ERCC6L2: variants seen among roughly 807,000 people sequenced by gnomAD.
The protein encoded by ERCC6L2 is ERCC excision repair 6 like 2.
Under a neutral mutation model 132.0 loss-of-function variants are expected in ERCC6L2, and 77 were observed. That is an observed-to-expected ratio of 0.58 (90% CI 0.49 to 0.71). ERCC6L2 has a LOEUF of 0.71. ERCC6L2 is among the 30% of genes least tolerant of loss of function. The probability of loss-of-function intolerance (pLI) is 0.00; values close to 1 mark genes in which losing one functional copy is unlikely to be tolerated. For missense variants in ERCC6L2, 1,542 were observed against 1,837.6 expected (o/e 0.84, Z 2.94); for synonymous variants, 583 against 632.4 (o/e 0.92, Z 1.17).
chr9:96,021,739 G>C (rs948122772), downstream of ERCC6L2: 10 of 151,704 alleles, frequency 6.6e-5, no homozygotes, highest in Admixed American at 6.5e-4. The surrounding 1 kb of genome is among the most constrained non-coding windows in gnomAD (Gnocchi z 4.7). Flanking sequence ...TCCCGCGCGC[G>C]TCGCGCCGAG....
At chr9:95,888,598 CT>C (rs1827998495) in intron 2 of ERCC6L2, among the ~76,000 whole-genome samples, 1 of 152,166 alleles carries the variant, frequency 6.6e-6, no homozygotes, top group African/African-American at 2.4e-5. Context: ...TAGACCTCTA[CT>C]GGACCACCAT....
rs2132607207 is a variant in ERCC6L2 at position 95,897,900 on chromosome 9, A to G, written c.523A>G (p.Ile175Val). The change falls in exon 3 of 19, where the codon ATT becomes GTT. Residue 175 changes from isoleucine (I) to valine (V), a missense_variant. This residue lies in a region of ERCC6L2 where 945 missense variants were observed against 1,105.2 expected (regional missense o/e 0.86). Coordinates refer to ENST00000653738, the MANE Select transcript of ERCC6L2 (RefSeq NM_020207.7). ...VLHKKGTREDIENNMPEFLLR... is the reference protein window; with the variant it reads ...VLHKKGTREDVENNMPEFLLR... Reference sequence around the variant, plus strand: ...GCATAAAAAGGGAACTCGTGAGGATATTGAAAATAACATGCCAGAGTTTTT... The same window carrying G: ...GCATAAAAAGGGAACTCGTGAGGATGTTGAAAATAACATGCCAGAGTTTTT... 1 of 1,612,442 alleles carries G rather than the reference A, an allele frequency of 6.2e-7. No individual in the cohort carries two copies.
At chr9:95,883,545 A>G (rs988437998) in intron 2 of ERCC6L2, among the ~76,000 whole-genome samples, 5 of 152,218 alleles carry the variant, frequency 3.3e-5, no homozygotes, top group Admixed American at 2.0e-4. Flanking sequence ...TTCTTTGATT[A>G]GCCAGTGCAT....
downstream of ERCC6L2, among the ~76,000 whole-genome samples, chr9:96,023,249 T>A (rs1413241910): frequency 6.6e-6 from 1 of 152,202 alleles, no homozygotes; most frequent in East Asian, 1.9e-4. Flanking sequence ...GGATTTATGA[T>A]TAGCATAGGC....
chr9:95,972,983 CATA>C lies in ERCC6L2; in HGVS notation c.3237_3239del (p.Asn1079del), dbSNP rs761064844. The C allele has an allele frequency of 2.2e-6, 3 of 1,345,000 alleles. No homozygotes were observed. Among genetic ancestry groups the C allele is most frequent in the Non-Finnish European group, 3.0e-6 (3 of 1,010,230 alleles). The allele number at this position is 1,345,000 out of a possible 1,614,324, so 83.3% of individuals were successfully genotyped here. A position where few individuals can be genotyped will look rare whatever the true frequency, so the allele number is the denominator to read the frequency against. On this transcript the variant is annotated inframe_deletion, in exon 16 of 19. Transcript: ENST00000653738. ...TAGTTTTTCTTCAAAATTGCCTAGCCATAATAAGAAAAATAGCACTTTTATTCC... is the reference window on the plus strand; with the variant it reads ...TAGTTTTTCTTCAAAATTGCCTAGCCATAAGAAAAATAGCACTTTTATTCC...
chr9:96,007,295 G>A (rs1471658975), intron 18 of ERCC6L2, among the ~76,000 whole-genome samples: 2 of 152,226 alleles, frequency 1.3e-5, no homozygotes, highest in East Asian at 3.9e-4. Flanking sequence ...CTTGGGAGTA[G>A]GGGCTAACAT....
At chr9:96,010,521 C>T (rs1833992573) in intron 18 of ERCC6L2, among the ~76,000 whole-genome samples, 1 of 152,142 alleles carries the variant, frequency 6.6e-6, no homozygotes. Flanking sequence ...TTAGCCTCTT[C>T]CTTGCAGTTT....
chr9:95,886,702 A>G (rs1037635150), intron 2 of ERCC6L2, among the ~76,000 whole-genome samples: 2 of 152,224 alleles, frequency 1.3e-5, no homozygotes, highest in African/African-American at 4.8e-5. Flanking sequence ...TGTGATGGTT[A>G]CTAGTGAGTG....
intron 19 of ERCC6L2, among the ~76,000 whole-genome samples, chr9:96,029,410 G>A (rs1340873096): frequency 6.6e-6 from 1 of 151,860 alleles, no homozygotes; most frequent in Non-Finnish European, 1.5e-5. Context: ...AATACAAGAA[G>A]GCTTCCAGCT....
rs1163536081 is a variant in ERCC6L2 at position 96,017,972 on chromosome 9, GAAAT to G, written c.*4774_*4777del. On this transcript the variant is annotated 3_prime_UTR_variant, in exon 19 of 19. Transcript: ENST00000653738. The stretch of plus-strand genomic sequence containing the variant: ...GAATCTTGAGGACGGTATGCAAAGT[GAAAT>G]AAATCAGACACAGAAGGACAAATAC... Among the ~76,000 whole-genome samples, 4 of 152,178 alleles carry G rather than the reference GAAAT, an allele frequency of 2.6e-5. No individual in the cohort carries two copies. The highest frequency in any genetic ancestry group is 1.3e-4 in the Admixed American group (2 of 15,292).
intron 17 of ERCC6L2, 82 bp downstream of exon 17, chr9:95,978,297 C>G (rs1056109328): frequency 1.1e-6 from 1 of 897,118 alleles, no homozygotes; most frequent in Non-Finnish European, 1.5e-6. Flanking sequence ...TCTAAGTACT[C>G]CCTCAAAAGT....
intron 2 of ERCC6L2, among the ~76,000 whole-genome samples, chr9:95,882,444 A>G (rs1366780508): frequency 6.6e-6 from 1 of 152,176 alleles, no homozygotes; most frequent in Non-Finnish European, 1.5e-5. Context: ...AGAGTTTTGA[A>G]TCTAGATTTT....
At chr9:96,003,350 A>T (rs1833753870) in intron 17 of ERCC6L2, among the ~76,000 whole-genome samples, 1 of 152,140 alleles carries the variant, frequency 6.6e-6, no homozygotes, top group South Asian at 2.1e-4. Context: ...CTAGTTCTGG[A>T]CAAATTATTT....
rs190151727 is a variant in ERCC6L2 at position 96,018,100 on chromosome 9, A to C, written c.*4897A>C. On this transcript the variant is annotated 3_prime_UTR_variant, in exon 19 of 19. Coordinates refer to ENST00000653738, the MANE Select transcript of ERCC6L2 (RefSeq NM_020207.7). ...ACGCTGGAGGGAGGGGAGAAAGGGG[A>C]GTTATTAATGGGTGTAGAGTTTCTG... 1.0e-3 allele frequency among the ~76,000 whole-genome samples: 155 copies of C among 152,282 alleles called. No individual in the cohort carries two copies. The highest frequency in any genetic ancestry group is 3.4e-3 in the African/African-American group (140 of 41,556).
chr9:96,038,663 T>C (rs1182670556), intron 19 of ERCC6L2, among the ~76,000 whole-genome samples: 1 of 152,122 alleles, frequency 6.6e-6, no homozygotes, highest in Non-Finnish European at 1.5e-5. Flanking sequence ...CTGGCTACAG[T>C]CAAGGGGCAG....
intron 3 of ERCC6L2, among the ~76,000 whole-genome samples, chr9:95,899,946 T>C (rs999420111): frequency 5.9e-5 from 9 of 152,220 alleles, no homozygotes; most frequent in African/African-American, 1.9e-4. Context: ...TGTAGTTAGT[T>C]GAATCCACTG....
intron 2 of ERCC6L2, among the ~76,000 whole-genome samples, chr9:95,887,262 A>G (rs1827922684): frequency 1.3e-5 from 2 of 152,194 alleles, no homozygotes; most frequent in African/African-American, 2.4e-5. Flanking sequence ...TGGTGTTTTC[A>G]TACTTTGCTT....
At chr9:95,909,389 A>C (rs1008021656) in intron 4 of ERCC6L2, among the ~76,000 whole-genome samples, 1 of 152,304 alleles carries the variant, frequency 6.6e-6, no homozygotes, top group South Asian at 2.1e-4. Flanking sequence ...GAGTGCAATC[A>C]CTATCCCAAA....
intron 12 of ERCC6L2, among the ~76,000 whole-genome samples, chr9:95,951,583 C>T (rs982813096): frequency 6.6e-6 from 1 of 151,988 alleles, no homozygotes; most frequent in Non-Finnish European, 1.5e-5. Flanking sequence ...AGAAAGAAGA[C>T]TCAAATAATT....
Sources: gnomAD v4.1 joint callset for allele counts (sites outside exome capture counted in the v4.1 genomes callset) on GRCh38, gnomAD v4.1.1 for gene constraint, gnomAD v4.1.1 regional missense constraint, Gnocchi (gnomAD v3.1) non-coding constraint, MANE v1.5 for transcripts, NCBI Gene and HGNC (gene_info 2026-07-23, HGNC 2026-07-21) for gene names.